The following ARHGAP30 variants were observed in gnomAD, a reference collection of about 807,000 sequenced individuals.
ARHGAP30 encodes rho GTPase-activating protein 30.
ARHGAP30 carries 23 observed loss-of-function variants against 72.0 expected under a neutral mutation model. The observed-to-expected ratio is 0.32, with a 90% CI of 0.23 to 0.45. ARHGAP30 has a LOEUF of 0.45. Ranked by LOEUF, ARHGAP30 falls within the 20% of genes least tolerant of loss-of-function variation. The pLI is 1.00. For missense variants in ARHGAP30, 1,319 were observed against 1,383.4 expected, an observed-to-expected ratio of 0.95 and a Z score of 0.74; for synonymous variants, 576 against 528.2, an observed-to-expected ratio of 1.09 and a Z score of -1.24.
rs776959706 is a variant in ARHGAP30 at position 161,047,683 on chromosome 1, C to T, written c.*32G>A. ...AACCCTGGAGATTCAAGACAACTTGCTGGTCCCCTTTGCCCAGGGCTGTGG... is the reference window on the plus strand; with the variant it reads ...AACCCTGGAGATTCAAGACAACTTGTTGGTCCCCTTTGCCCAGGGCTGTGG... On this transcript the variant is annotated 3_prime_UTR_variant, in exon 12 of 12. Coordinates refer to ENST00000368013, the MANE Select transcript of ARHGAP30 (RefSeq NM_001025598.2). The T allele has an allele frequency of 6.7e-6, 10 of 1,495,734 alleles. No homozygotes were observed. The African/African-American group carries it at 8.4e-5, about 13-fold the overall frequency. The allele number at this position is 1,495,734 out of a possible 1,614,324, so 92.7% of individuals were successfully genotyped here. A position where few individuals can be genotyped will look rare whatever the true frequency, so the allele number is the denominator to read the frequency against.
At chr1:161,058,195 C>T (rs1031630708) in intron 2 of ARHGAP30, among the ~76,000 whole-genome samples, 2 of 151,784 alleles carry the variant, frequency 1.3e-5, no homozygotes, top group African/African-American at 4.8e-5. Context: ...GCCTGTAATC[C>T]CAGCTACTCG....
chr1:161,049,297 A>C lies in ARHGAP30; in HGVS notation c.1724T>G (p.Leu575Arg). The part of the protein sequence containing the change: ...EFSVEPPLDD[L>R]SLDEAQFVLA... ...GACAAACTGTGCCTCATCCAGAGAC[A>C]GGTCATCCAGGGGTGGCTCCACAGA... The change falls in exon 12 of 12, where the codon CTG (leucine) becomes CGG (arginine). Residue 575 changes from leucine to arginine, a missense_variant. Around this residue, in one of 2 missense-constraint regions of ARHGAP30, gnomAD observed 1,097 missense variants for 1,045.2 expected, o/e 1.05. Transcript: ENST00000368013. 3 of 1,614,016 alleles carry C rather than the reference A, an allele frequency of 1.9e-6. No individual in the cohort carries two copies. Among genetic ancestry groups the C allele is most frequent in the Non-Finnish European group, 1.7e-6 (2 of 1,179,956 alleles).
intron 2 of ARHGAP30, among the ~76,000 whole-genome samples, chr1:161,059,231 G>A (rs934487358): frequency 6.6e-6 from 1 of 151,946 alleles, no homozygotes; most frequent in African/African-American, 2.4e-5. Flanking sequence ...GTTTCACCAC[G>A]TTGGCCAGGC....
chr1:161,064,799 G>GA (rs1311599041), intron 1 of ARHGAP30, among the ~76,000 whole-genome samples: 1 of 60,294 alleles, frequency 1.7e-5, no homozygotes, highest in Admixed American at 1.7e-4. Context: ...AAGAAAGAAA[G>GA]AAAGAAAGAA....
intron 1 of ARHGAP30, among the ~76,000 whole-genome samples, chr1:161,063,602 C>T (rs1652477837): frequency 6.6e-6 from 1 of 152,122 alleles, no homozygotes; most frequent in East Asian, 1.9e-4. Context: ...TGTGGGCACC[C>T]TGAAAAAAGA....
Position 161,051,734 on chromosome 1 carries a change from G to C in ARHGAP30, c.1019-19C>G. 1 of 1,580,710 alleles carries C rather than the reference G, an allele frequency of 6.3e-7. No homozygotes were observed. The highest frequency in any genetic ancestry group is 8.6e-7 in the Non-Finnish European group (1 of 1,164,516). ...TCTGGCTCTGTGGAGGAAAAAGAGG[G>C]CCAGGTAGGCAATAGCCTAAACTCC... On this transcript the variant is annotated intron_variant, in intron 9 of 11. Transcript: ENST00000368013.
In ARHGAP30 at chr1:161,051,492, G is replaced by T; in HGVS notation, c.1242C>A (p.Asp414Glu). Residue 414 changes from aspartate to glutamate, a missense_variant, in exon 10 of 12, where the codon GAC becomes GAA. This residue lies in a region of ARHGAP30 where 1,097 missense variants were observed against 1,045.2 expected (regional missense o/e 1.05). Coordinates refer to ENST00000368013, the MANE Select transcript of ARHGAP30 (RefSeq NM_001025598.2). ...AERCAGVHIS[D>E]PYNVNLPLHI... ...GTAGCGGGAGGTTGACATTGTAGGG[G>T]TCTGAGATGTGGACACCAGCACAGC... The T allele has an allele frequency of 2.5e-6, 4 of 1,614,248 alleles. No homozygotes were observed. Among genetic ancestry groups the T allele is most frequent in the Non-Finnish European group, 3.4e-6 (4 of 1,180,050 alleles).
chr1:161,048,700 TG>T lies in ARHGAP30; in HGVS notation c.2320del (p.Gln774ArgfsTer83). 2 of 1,614,156 alleles carry T rather than the reference TG, an allele frequency of 1.2e-6. No individual in the cohort carries two copies. Among genetic ancestry groups the T allele is most frequent in the Non-Finnish European group, 1.7e-6 (2 of 1,180,032 alleles). Reference sequence around the variant, plus strand: ...TTTCTCCTCAGCAACTTGATCTTCCTGGGCCCCTTGCTCTAGGTCCCTTCCA... The same window carrying T: ...TTTCTCCTCAGCAACTTGATCTTCCTGGCCCCTTGCTCTAGGTCCCTTCCA... Reference protein sequence around the residue: ...EAGRDLEQGAQEDQVAEEKWE... With the variant: ...EAGRDLEQGAXEDQVAEEKWE... On this transcript the variant is annotated frameshift_variant, in exon 12 of 12. Transcript: ENST00000368013. LOFTEE classifies it low-confidence loss of function (END_TRUNC).
chr1:161,053,496 C>CTCTCTCTCTG lies in ARHGAP30; in HGVS notation c.537-112_537-111insCAGAGAGAGA. On this transcript the variant is annotated intron_variant, in intron 5 of 11. Coordinates refer to ENST00000368013, the MANE Select transcript of ARHGAP30 (RefSeq NM_001025598.2). ...TCTCTCTCTCTCTCTCTCTCTCTCT[C>CTCTCTCTCTG]TCTCTCTCTCGAATGACCTTAACCC... 1.4e-5 allele frequency: 13 copies of CTCTCTCTCTG among 927,746 alleles called. No homozygotes were observed. The East Asian group carries it at 8.7e-4, about 62-fold the overall frequency. 57.5% of individuals were successfully genotyped at this position (927,746 alleles called of 1,614,324 possible). A position where few individuals can be genotyped will look rare whatever the true frequency, so the allele number is the denominator to read the frequency against.
At chr1:161,064,748 CAAGA>C (rs1340632670) in intron 1 of ARHGAP30, among the ~76,000 whole-genome samples, 7 of 102,546 alleles carry the variant, frequency 6.8e-5, no homozygotes, top group Non-Finnish European at 1.0e-4. Flanking sequence ...CAGAGTAAGA[CAAGA>C]AAGAAAGAGA....
intron 9 of ARHGAP30, 115 bp downstream of exon 9, chr1:161,052,171 G>T: frequency 2.8e-6 from 3 of 1,088,002 alleles, no homozygotes; most frequent in Non-Finnish European, 4.1e-6. Flanking sequence ...TATATAATAG[G>T]CACTCATTAA....
chr1:161,047,079 C>T lies in ARHGAP30; in HGVS notation c.*636G>A, dbSNP rs1260565351. The T allele has an allele frequency of 2.3e-6, 1 of 440,976 alleles. No homozygotes were observed. Among genetic ancestry groups the T allele is most frequent in the East Asian group, 7.2e-5 (1 of 13,884 alleles). 27.3% of individuals were successfully genotyped at this position (440,976 alleles called of 1,614,324 possible). ...TTTCCTGAAATAGGAACAAGTTATTCCAAAGGAGAAAGGAGAGCCCAGAGA... is the reference window on the plus strand; with the variant it reads ...TTTCCTGAAATAGGAACAAGTTATTTCAAAGGAGAAAGGAGAGCCCAGAGA... On this transcript the variant is annotated 3_prime_UTR_variant, in exon 12 of 12. Transcript: ENST00000368013.
chr1:161,056,087 G>C (rs1452427414), intron 3 of ARHGAP30, among the ~76,000 whole-genome samples: 1 of 151,724 alleles, frequency 6.6e-6, no homozygotes, highest in Non-Finnish European at 1.5e-5. Context: ...GGCCCTTCCA[G>C]CTACAACAAT....
Position 161,048,034 on chromosome 1 carries a change from G to A in ARHGAP30, c.2987C>T (p.Ser996Phe), listed in dbSNP as rs1364684862. ...RSSWRNGGSL[S>F]FDAAVALARD... is the part of the protein sequence containing the mutation. ...GGCTAGGGCCACAGCAGCATCAAAG[G>A]AAAGACTACCCCCATTCCTCCAAGA... Residue 996 changes from serine to phenylalanine, a missense_variant, in exon 12 of 12, where the codon TCC (serine) becomes TTC (phenylalanine). By Grantham distance (155) the Ser-to-Phe change is radical. Transcript: ENST00000368013. The A allele has an allele frequency of 3.1e-6, 5 of 1,614,044 alleles. No individual in the cohort carries two copies. Among genetic ancestry groups the A allele is most frequent in the African/African-American group, 1.3e-5 (1 of 74,920 alleles).
Position 161,047,575 on chromosome 1 carries a change from G to GTA in ARHGAP30, c.*139_*140insTA. Reference sequence around the variant, plus strand: ...ACCAACCAAGGCAGTGCCTCCCACAGTCAAAGAGAGAAGCTGGAGGGCCAA... The same window carrying GTA: ...ACCAACCAAGGCAGTGCCTCCCACAGTATCAAAGAGAGAAGCTGGAGGGCCAA... On this transcript the variant is annotated 3_prime_UTR_variant, in exon 12 of 12. Coordinates refer to ENST00000368013, the MANE Select transcript of ARHGAP30 (RefSeq NM_001025598.2). 1.1e-6 allele frequency: 1 copy of GTA among 896,894 alleles called. No homozygotes were observed. Among genetic ancestry groups the GTA allele is most frequent in the South Asian group, 3.0e-5 (1 of 33,124 alleles). The allele number at this position is 896,894 out of a possible 1,614,324, so 55.6% of individuals were successfully genotyped here. A position where few individuals can be genotyped will look rare whatever the true frequency, so the allele number is the denominator to read the frequency against.
At chr1:161,054,822 AT>A in intron 3 of ARHGAP30, 117 bp from the exon 4 acceptor site, 2 of 837,356 alleles carry the variant, frequency 2.4e-6, no homozygotes, top group Non-Finnish European at 2.0e-6. Context: ...GTGCTACCCC[AT>A]CCTACATCAT....
chr1:161,058,180 CAT>C (rs1190788091), intron 2 of ARHGAP30, among the ~76,000 whole-genome samples: 1 of 151,122 alleles, frequency 6.6e-6, no homozygotes, highest in Non-Finnish European at 1.5e-5. Context: ...GGAGTGGTGA[CAT>C]GTGCCTGTAA....
chr1:161,054,300 T>A, intron 5 of ARHGAP30, 66 bp downstream of exon 5: 1 of 1,441,852 alleles, frequency 6.9e-7, no homozygotes, highest in Non-Finnish European at 9.6e-7. Context: ...CACCTCATCC[T>A]GGGAGCAGCC....
chr1:161,053,222 A>G (rs1219254115), intron 6 of ARHGAP30, 36 bp downstream of exon 6: 1 of 1,611,804 alleles, frequency 6.2e-7, no homozygotes, highest in Non-Finnish European at 8.5e-7. Context: ...TGACTCCCCA[A>G]CAGTGGGATA....
Sources: gnomAD v4.1 joint callset for allele counts (sites outside exome capture counted in the v4.1 genomes callset) on GRCh38, gnomAD v4.1.1 for gene constraint, gnomAD v4.1.1 regional missense constraint, MANE v1.5 for transcripts, NCBI Gene and HGNC (gene_info 2026-07-23, HGNC 2026-07-21) for gene names.